Variants in EXOC6 observed in about 807,000 individuals in gnomAD.
The protein encoded by EXOC6 is exocyst complex component 6.
In EXOC6, 60 loss-of-function variants were observed where a neutral mutation model predicts 112.5. The ratio of observed to expected loss-of-function variants is 0.53; its 90% CI spans 0.43 to 0.66. The LOEUF (loss-of-function observed/expected upper bound fraction) is 0.66. EXOC6 is among the 30% of genes least tolerant of loss of function. EXOC6 has a pLI of 0.00. For synonymous variants in EXOC6, 295 were observed against 308.0 expected, an observed-to-expected ratio of 0.96 and a Z score of 0.44; for missense variants, 855 against 957.1, an observed-to-expected ratio of 0.89 and a Z score of 1.41.
At chr10:92,866,707 G>A (rs1467973935) in intron 1 of EXOC6, among the ~76,000 whole-genome samples, 1 of 151,732 alleles carries the variant, frequency 6.6e-6, no homozygotes, top group Non-Finnish European at 1.5e-5. Flanking sequence ...AAAAATCTTA[G>A]CAGAATAAAA....
intron 19 of EXOC6, among the ~76,000 whole-genome samples, chr10:93,012,258 A>G (rs1206512120): frequency 2.6e-5 from 4 of 152,226 alleles, no homozygotes; most frequent in Non-Finnish European, 5.9e-5. Context: ...AATTAATAAG[A>G]CAGATGAGGG....
At chr10:92,878,503 A>G (rs1038138792) in intron 1 of EXOC6, among the ~76,000 whole-genome samples, 2 of 152,076 alleles carry the variant, frequency 1.3e-5, no homozygotes, top group African/African-American at 2.4e-5. Flanking sequence ...TTGAGCACAC[A>G]CAGTGTGTTT....
intron 13 of EXOC6, among the ~76,000 whole-genome samples, chr10:92,946,201 C>G (rs1852987061): frequency 6.6e-6 from 1 of 152,028 alleles, no homozygotes; most frequent in South Asian, 2.1e-4. Flanking sequence ...GAGGCTGAGG[C>G]AGGAGAATGG....
intron 6 of EXOC6, 66 bp from the exon 7 acceptor site, chr10:92,915,692 T>A: frequency 3.2e-6 from 4 of 1,252,404 alleles, no homozygotes; most frequent in Non-Finnish European, 4.2e-6. Context: ...TATGAACAAA[T>A]TTTTTGAACC....
rs1848025767 is a variant in EXOC6, at chr10:92,863,767, T to C, written c.101+15133T>C. On this transcript the variant is annotated intron_variant, in intron 1 of 21. Transcript: ENST00000260762. ...CTCTACTAAAAATACAAAAAAAAAT[T>C]AGCTGGGCGTGGTGGTGGGCACCTG... Among the ~76,000 whole-genome samples the C allele has an allele frequency of 4.6e-5, 7 of 151,840 alleles. No homozygotes were observed. The South Asian group carries it at 1.5e-3, about 32-fold the overall frequency.
chr10:93,029,940 C>T (rs1357629984), intron 20 of EXOC6, among the ~76,000 whole-genome samples: 1 of 149,796 alleles, frequency 6.7e-6, no homozygotes, highest in Non-Finnish European at 1.5e-5. Context: ...TGGAGTTTCG[C>T]TCTTGTTGCC....
At chr10:92,975,799 C>T (rs1419444869) in intron 18 of EXOC6, among the ~76,000 whole-genome samples, 14 of 124,986 alleles carry the variant, frequency 1.1e-4, no homozygotes, top group African/African-American at 4.0e-4. Context: ...GTGGGGGGGT[C>T]AGCCCCCGCG....
chr10:93,006,993 C>A (rs951446736), intron 19 of EXOC6, among the ~76,000 whole-genome samples: 8 of 150,782 alleles, frequency 5.3e-5, no homozygotes, highest in African/African-American at 2.0e-4. Flanking sequence ...TCTCCCCCAC[C>A]CTCTTTACCC....
At chr10:92,894,772 A>G in intron 2 of EXOC6, 22 bp from the exon 3 acceptor site, 1 of 1,609,818 alleles carries the variant, frequency 6.2e-7, no homozygotes, top group Non-Finnish European at 8.5e-7. Flanking sequence ...TTGTCTAACT[A>G]AGGTGAAATT....
chr10:92,896,107 A>ATATG (rs1564809636), intron 4 of EXOC6, among the ~76,000 whole-genome samples: 1 of 79,080 alleles, frequency 1.3e-5, no homozygotes, highest in Non-Finnish European at 2.3e-5. Flanking sequence ...GTGTATATAT[A>ATATG]TGTGTATATA....
At chr10:93,011,324 A>G (rs535980603) in intron 19 of EXOC6, among the ~76,000 whole-genome samples, 20 of 151,908 alleles carry the variant, frequency 1.3e-4, no homozygotes, top group African/African-American at 4.6e-4. Context: ...TGGTACGATC[A>G]TGGCTCAGTG....
At chr10:93,005,264 C>T (rs1843924003) in intron 19 of EXOC6, among the ~76,000 whole-genome samples, 1 of 152,042 alleles carries the variant, frequency 6.6e-6, no homozygotes, top group Non-Finnish European at 1.5e-5. Context: ...TGTTTGGAGA[C>T]AGTCAGGAAG....
At chr10:93,022,291 T>C (rs1282293685) in intron 20 of EXOC6, among the ~76,000 whole-genome samples, 3 of 152,154 alleles carry the variant, frequency 2.0e-5, no homozygotes, top group Non-Finnish European at 4.4e-5. Context: ...ACATGTAGAA[T>C]TGTGAAATCT....
chr10:92,932,383 T>C (rs1367044386), intron 9 of EXOC6, among the ~76,000 whole-genome samples: 1 of 152,152 alleles, frequency 6.6e-6, no homozygotes, highest in African/African-American at 2.4e-5. Flanking sequence ...GTTACACAAC[T>C]GTCTACATTT....
At chr10:93,012,510 T>C (rs1844294620) in intron 19 of EXOC6, among the ~76,000 whole-genome samples, 2 of 152,238 alleles carry the variant, frequency 1.3e-5, no homozygotes. Context: ...AGAAAAATTC[T>C]GATGCTTAAA....
chr10:93,054,681 T>G (rs1038005952), intron 20 of EXOC6, among the ~76,000 whole-genome samples: 11 of 152,220 alleles, frequency 7.2e-5, no homozygotes, highest in African/African-American at 2.7e-4. Context: ...GGTTTTTCAT[T>G]CATTAAGTCG....
chr10:93,018,379 A>G (rs1844637196), intron 20 of EXOC6, among the ~76,000 whole-genome samples: 1 of 152,232 alleles, frequency 6.6e-6, no homozygotes, highest in Non-Finnish European at 1.5e-5. Flanking sequence ...TAAGTTATAC[A>G]TGTTTTCAAA....
chr10:93,031,453 TTTAA>T (rs1334779551), intron 20 of EXOC6, among the ~76,000 whole-genome samples: 2 of 152,002 alleles, frequency 1.3e-5, no homozygotes, highest in Non-Finnish European at 2.9e-5. Flanking sequence ...TATGTTCTCA[TTTAA>T]TTAGACAAGA....
At chr10:92,920,630 C>T (rs1265879051) in intron 8 of EXOC6, among the ~76,000 whole-genome samples, 3 of 152,118 alleles carry the variant, frequency 2.0e-5, no homozygotes, top group Non-Finnish European at 2.9e-5. Context: ...GGGTTGTTCA[C>T]GTCTTTTACT....
Sources: allele counts gnomAD v4.1 joint callset (sites outside exome capture counted in the v4.1 genomes callset), GRCh38; gene constraint gnomAD v4.1.1; transcripts MANE v1.5; gene names NCBI Gene and HGNC (gene_info 2026-07-23, HGNC 2026-07-21).